The following TFCP2L1 variants were observed in gnomAD, a reference collection of about 807,000 sequenced individuals.
TFCP2L1 encodes transcription factor CP2-like protein 1.
Under a neutral mutation model 72.2 loss-of-function variants are expected in TFCP2L1, and 12 were observed. The ratio of observed to expected loss-of-function variants is 0.17; its 90% CI spans 0.11 to 0.27. TFCP2L1 has a LOEUF of 0.27. TFCP2L1 is among the 10% of genes least tolerant of loss of function. The pLI, the probability that TFCP2L1 is intolerant of heterozygous loss-of-function variation, is 1.00. For synonymous variants in TFCP2L1, 260 were observed against 251.0 expected, an observed-to-expected ratio of 1.04 and a Z score of -0.34; for missense variants, 488 against 624.6, an observed-to-expected ratio of 0.78 and a Z score of 2.33.
intron 2 of TFCP2L1, among the ~76,000 whole-genome samples, chr2:121,274,955 A>T (rs1266405966): frequency 6.6e-6 from 1 of 152,114 alleles, no homozygotes; most frequent in Non-Finnish European, 1.5e-5. Context: ...AAAAAAAAAA[A>T]ATTATTTAAT....
chr2:121,227,720 T>TAC (rs144192362), intron 13 of TFCP2L1, among the ~76,000 whole-genome samples: 54,982 of 147,252 alleles, frequency 0.37, 11,106 homozygotes, highest in Non-Finnish European at 0.47. Flanking sequence ...AAACATACAA[T>TAC]ACACACACAC....
At chr2:121,243,711 T>C (rs1686425804) in intron 6 of TFCP2L1, among the ~76,000 whole-genome samples, 1 of 151,622 alleles carries the variant, frequency 6.6e-6, no homozygotes, top group African/African-American at 2.4e-5. Context: ...TGCCTGATGA[T>C]GGGTGACTGT....
intron 2 of TFCP2L1, among the ~76,000 whole-genome samples, chr2:121,276,242 G>A (rs1687144398): frequency 7.1e-6 from 1 of 141,398 alleles, no homozygotes; most frequent in Non-Finnish European, 1.5e-5. Flanking sequence ...ACAGGCCCCA[G>A]TGTGTGATCT....
intron 2 of TFCP2L1, among the ~76,000 whole-genome samples, chr2:121,265,318 C>G (rs2713204): frequency 0.46 from 70,340 of 151,858 alleles, 17,039 homozygotes; most frequent in East Asian, 0.7. Flanking sequence ...GCGGGGGAAA[C>G]GAGAATGGGG....
At position 121,219,209 on chromosome 2, in the gene TFCP2L1, C is replaced by T. The variant is rs997760214; in HGVS notation, c.*5132G>A. 1 of 152,300 alleles carries T rather than the reference C, an allele frequency of 6.6e-6. No homozygotes were observed. The highest frequency in any genetic ancestry group is 1.5e-5 in the Non-Finnish European group (1 of 68,114). The allele number at this position is 152,300 out of a possible 1,614,324, so 9.4% of individuals were successfully genotyped here. ...TTCATCCACTCTCCAGGAGGTCACACAAGATCAAAAGAGGATCATCGAGCT... is the reference window on the plus strand; with the variant it reads ...TTCATCCACTCTCCAGGAGGTCACATAAGATCAAAAGAGGATCATCGAGCT... On this transcript the variant is annotated 3_prime_UTR_variant, in exon 15 of 15. Transcript: ENST00000263707.
chr2:121,226,123 G>A lies in TFCP2L1; in HGVS notation c.1342-510C>T, dbSNP rs557055474. Among the ~76,000 whole-genome samples, 136 of 150,954 alleles carry A rather than the reference G, an allele frequency of 9.0e-4. 6 individuals carry two copies. The highest frequency in any genetic ancestry group is 2.5e-3 in the African/African-American group (103 of 41,108). On this transcript the variant is annotated intron_variant, in intron 13 of 14. Transcript: ENST00000263707. ...ACGGTGTCTACACACACGGGAACAC[G>A]GTAAACACCACTGCCACGGTGTCTA... is the stretch of plus-strand genomic sequence containing the variant.
At chr2:121,238,022 C>T (rs1225662851) in intron 8 of TFCP2L1, among the ~76,000 whole-genome samples, 172 bp from the exon 9 acceptor site, 1 of 152,186 alleles carries the variant, frequency 6.6e-6, no homozygotes, top group African/African-American at 2.4e-5. Flanking sequence ...AGCCAATGTC[C>T]AATCCCTCAA....
intron 2 of TFCP2L1, among the ~76,000 whole-genome samples, chr2:121,271,369 G>C (rs1687044983): frequency 1.3e-5 from 2 of 152,036 alleles, no homozygotes; most frequent in South Asian, 4.2e-4. Flanking sequence ...AAATCTGGAA[G>C]GTAGAACTAT....
chr2:121,271,265 A>G (rs1439649), intron 2 of TFCP2L1, among the ~76,000 whole-genome samples: 2,515 of 152,240 alleles, frequency 0.017, 75 homozygotes, highest in African/African-American at 0.056. Flanking sequence ...CATTTGTCTT[A>G]AAAAGCAAAA....
At chr2:121,284,510 C>A (rs938413803) in intron 1 of TFCP2L1, among the ~76,000 whole-genome samples, 1 of 152,214 alleles carries the variant, frequency 6.6e-6, no homozygotes, top group Non-Finnish European at 1.5e-5. Context: ...CGGGCGAACA[C>A]GCGCAAGACC....
intron 2 of TFCP2L1, among the ~76,000 whole-genome samples, chr2:121,264,099 G>T (rs1478280125): frequency 1.3e-5 from 2 of 152,190 alleles, no homozygotes; most frequent in African/African-American, 4.8e-5. Flanking sequence ...TAGGCTTGGG[G>T]CTCAGGAGGG....
In TFCP2L1 at chr2:121,256,838, C is replaced by T. The variant is rs559075402; in HGVS notation, c.215-7191G>A. Among the ~76,000 whole-genome samples, 6 of 152,154 alleles carry T rather than the reference C, an allele frequency of 3.9e-5. No individual in the cohort carries two copies. In the East Asian group the frequency reaches 1.2e-3, roughly 29 times the overall value. On this transcript the variant is annotated intron_variant, in intron 2 of 14. Transcript: ENST00000263707. ...GGGCGTGGTGGTGGGTGCCTGTAAT[C>T]CCAGCTACTCAGGAGGCCGAGGCAG...
rs1685924305 is a variant in TFCP2L1 at position 121,221,290 on chromosome 2, G to C, written c.*3051C>G. 1 of 152,062 alleles carries C rather than the reference G, an allele frequency of 6.6e-6. No homozygotes were observed. Among genetic ancestry groups the C allele is most frequent in the African/African-American group, 2.4e-5 (1 of 41,374 alleles). The allele number at this position is 152,062 out of a possible 1,614,324, so 9.4% of individuals were successfully genotyped here. A position where few individuals can be genotyped will look rare whatever the true frequency, so the allele number is the denominator to read the frequency against. Reference sequence around the variant, plus strand: ...AGAACATGCACCAAGGAAGACTGGGGAACATCAGAGAGAGATAGGACTCAG... The same window carrying C: ...AGAACATGCACCAAGGAAGACTGGGCAACATCAGAGAGAGATAGGACTCAG... On this transcript the variant is annotated 3_prime_UTR_variant, in exon 15 of 15. Coordinates refer to ENST00000263707, the MANE Select transcript of TFCP2L1 (RefSeq NM_014553.3).
chr2:121,247,305 T>G (rs1301706437), intron 5 of TFCP2L1, among the ~76,000 whole-genome samples: 3 of 152,098 alleles, frequency 2.0e-5, no homozygotes, highest in Non-Finnish European at 4.4e-5. Context: ...AATCCTAGAC[T>G]GAGGGCAGGG....
chr2:121,257,536 C>T (rs1359712407), intron 2 of TFCP2L1, among the ~76,000 whole-genome samples: 1 of 152,206 alleles, frequency 6.6e-6, no homozygotes, highest in Non-Finnish European at 1.5e-5. Flanking sequence ...GGGGGGAGGC[C>T]AGATAAAATA....
chr2:121,233,319 C>T (rs1363246540), intron 12 of TFCP2L1, among the ~76,000 whole-genome samples: 1 of 152,170 alleles, frequency 6.6e-6, no homozygotes, highest in Non-Finnish European at 1.5e-5. Context: ...TCTCCTGCCT[C>T]AGCTGGGATT....
chr2:121,255,159 T>C (rs1686689754), intron 2 of TFCP2L1, among the ~76,000 whole-genome samples: 1 of 152,220 alleles, frequency 6.6e-6, no homozygotes, highest in African/African-American at 2.4e-5. Flanking sequence ...GCTGTAGTTG[T>C]CCATGATCCT....
chr2:121,284,171 C>T (rs972429186), intron 1 of TFCP2L1, among the ~76,000 whole-genome samples: 9 of 152,168 alleles, frequency 5.9e-5, no homozygotes, highest in South Asian at 2.1e-4. Context: ...CCTTCGGCCT[C>T]ATCATTCATT....
intron 14 of TFCP2L1, among the ~76,000 whole-genome samples, chr2:121,224,878 G>C (rs1395874666): frequency 3.3e-5 from 5 of 152,108 alleles, no homozygotes; most frequent in African/African-American, 1.2e-4. Context: ...CCAGCTACTC[G>C]GGAGGCTGAG....
Sources: gnomAD v4.1 joint callset for allele counts (sites outside exome capture counted in the v4.1 genomes callset) on GRCh38, gnomAD v4.1.1 for gene constraint, MANE v1.5 for transcripts, NCBI Gene and HGNC (gene_info 2026-07-23, HGNC 2026-07-21) for gene names.